CDH13: variants seen among roughly 807,000 people sequenced by gnomAD.
The protein encoded by CDH13 is cadherin 13.
In CDH13, 24 loss-of-function variants were observed where a neutral mutation model predicts 63.8. The observed-to-expected ratio is 0.38, with a 90% CI of 0.27 to 0.53. CDH13 has a LOEUF of 0.53. Ranked by LOEUF, CDH13 falls within the 20% of genes least tolerant of loss-of-function variation. CDH13 has a pLI of 0.85. For missense variants in CDH13, 1,049 were observed against 903.1 expected (o/e 1.16, Z -2.07); for synonymous variants, 503 against 355.3 (o/e 1.42, Z -4.67).
intron 2 of CDH13, among the ~76,000 whole-genome samples, chr16:82,907,759 T>A (rs1235003529): frequency 1.3e-5 from 2 of 152,202 alleles, no homozygotes; most frequent in African/African-American, 4.8e-5. Flanking sequence ...CTGCTGTAGA[T>A]GATTCCTGCA....
At chr16:83,096,883 C>A (rs2034228275) in intron 3 of CDH13, among the ~76,000 whole-genome samples, 1 of 152,050 alleles carries the variant, frequency 6.6e-6, no homozygotes, top group Non-Finnish European at 1.5e-5. Flanking sequence ...AAAAATTGTC[C>A]TTGCCTTTGA....
intron 2 of CDH13, among the ~76,000 whole-genome samples, chr16:82,897,626 A>T (rs1215094367): frequency 6.6e-6 from 1 of 152,216 alleles, no homozygotes; most frequent in Non-Finnish European, 1.5e-5. Context: ...CTAATAAATG[A>T]CTCAGCTCTG....
At chr16:83,169,691 T>C (rs72800265) in intron 4 of CDH13, among the ~76,000 whole-genome samples, 24,447 of 152,058 alleles carry the variant, frequency 0.16, 2,083 homozygotes, top group South Asian at 0.19. Flanking sequence ...TATTAATCTC[T>C]TGCCTGTCAT....
intron 7 of CDH13, among the ~76,000 whole-genome samples, chr16:83,596,084 AAC>A (rs1241602054): frequency 6.6e-6 from 1 of 152,204 alleles, no homozygotes; most frequent in Non-Finnish European, 1.5e-5. Flanking sequence ...GAACCAAAGA[AAC>A]ACAGAATCAG....
chr16:83,616,375 C>A (rs947370046), intron 8 of CDH13, among the ~76,000 whole-genome samples: 1 of 152,038 alleles, frequency 6.6e-6, no homozygotes, highest in Non-Finnish European at 1.5e-5. Flanking sequence ...ATGTGTTGAT[C>A]CCCATCATCC....
intron 7 of CDH13, among the ~76,000 whole-genome samples, chr16:83,498,191 A>G (rs1474787905): frequency 6.6e-6 from 1 of 152,132 alleles, no homozygotes; most frequent in East Asian, 1.9e-4. Context: ...GCAAGGGGAG[A>G]CGGAGATGGG....
At chr16:83,738,343 T>C (rs533723769) in intron 10 of CDH13, among the ~76,000 whole-genome samples, 2 of 152,360 alleles carry the variant, frequency 1.3e-5, no homozygotes, top group East Asian at 3.9e-4. Context: ...ACGTGTGTGT[T>C]TATGTATACA....
intron 4 of CDH13, among the ~76,000 whole-genome samples, chr16:83,179,877 C>A (rs557000518): frequency 4.0e-5 from 6 of 149,692 alleles, no homozygotes; most frequent in African/African-American, 1.5e-4. Flanking sequence ...ATATTCCTAT[C>A]AAAATAGGTT....
chr16:83,326,359 G>C (rs1356339855), intron 5 of CDH13, among the ~76,000 whole-genome samples: 1 of 150,590 alleles, frequency 6.6e-6, no homozygotes, highest in Non-Finnish European at 1.5e-5. Context: ...TAAATCATTA[G>C]TATCTCAAGG....
intron 6 of CDH13, among the ~76,000 whole-genome samples, chr16:83,451,574 C>G (rs1295815180): frequency 2.6e-5 from 4 of 152,154 alleles, no homozygotes; most frequent in African/African-American, 9.7e-5. Context: ...GGCTGGAGTA[C>G]AGGCACTATC....
intron 2 of CDH13, among the ~76,000 whole-genome samples, chr16:82,962,796 G>C (rs779050401): frequency 1.3e-5 from 2 of 152,124 alleles, no homozygotes; most frequent in Admixed American, 6.5e-5. Context: ...TAATGAGCTT[G>C]ATTCGCTGTG....
At chr16:82,840,884 A>G (rs1431250536) in intron 1 of CDH13, among the ~76,000 whole-genome samples, 1 of 152,180 alleles carries the variant, frequency 6.6e-6, no homozygotes, top group Non-Finnish European at 1.5e-5. Flanking sequence ...GTGTTGGTAG[A>G]TGAAGAGTGG....
At chr16:83,228,922 G>A (rs1012954715) in intron 5 of CDH13, among the ~76,000 whole-genome samples, 20 of 152,316 alleles carry the variant, frequency 1.3e-4, no homozygotes, top group African/African-American at 4.3e-4. Context: ...GGTCTTTGAA[G>A]CCAGAGTGAC....
intron 6 of CDH13, among the ~76,000 whole-genome samples, chr16:83,428,148 C>T (rs1225228421): frequency 6.6e-6 from 1 of 152,064 alleles, no homozygotes; most frequent in Admixed American, 6.6e-5. Context: ...GGAAATGGCA[C>T]CTTTTGACTG....
intron 4 of CDH13, among the ~76,000 whole-genome samples, chr16:83,184,457 T>G (rs1597481307): frequency 6.6e-6 from 1 of 152,152 alleles, no homozygotes; most frequent in Non-Finnish European, 1.5e-5. Context: ...AGGCTTGACG[T>G]AGATGTGAGG....
intron 7 of CDH13, among the ~76,000 whole-genome samples, chr16:83,510,138 T>C (rs1420792408): frequency 6.6e-6 from 1 of 152,214 alleles, no homozygotes; most frequent in African/African-American, 2.4e-5. Context: ...GGGGCCATTT[T>C]GTAAGAAATA....
chr16:83,520,740 A>C (rs2074811630), intron 7 of CDH13, among the ~76,000 whole-genome samples: 1 of 152,204 alleles, frequency 6.6e-6, no homozygotes, highest in Admixed American at 6.5e-5. Flanking sequence ...CATCAATTTT[A>C]GAGCCAGAAC....
intron 5 of CDH13, among the ~76,000 whole-genome samples, chr16:83,281,296 A>G (rs1288844429): frequency 6.6e-6 from 1 of 151,940 alleles, no homozygotes; most frequent in Non-Finnish European, 1.5e-5. Flanking sequence ...TCATGAACCA[A>G]CCTCCGTTAG....
At chr16:82,965,624 A>G (rs890451069) in intron 2 of CDH13, among the ~76,000 whole-genome samples, 1 of 152,062 alleles carries the variant, frequency 6.6e-6, no homozygotes, top group African/African-American at 2.4e-5. Context: ...CTCTACTTCC[A>G]GGTTCAAGGG....
Sources: allele counts gnomAD v4.1 joint callset (sites outside exome capture counted in the v4.1 genomes callset), GRCh38; gene constraint gnomAD v4.1.1; transcripts MANE v1.5; gene names NCBI Gene and HGNC (gene_info 2026-07-23, HGNC 2026-07-21).